PRKCE: variants seen among roughly 807,000 people sequenced by gnomAD.
PRKCE encodes protein kinase C epsilon type.
Under a neutral mutation model 85.4 loss-of-function variants are expected in PRKCE, and 16 were observed. The observed-to-expected ratio is 0.19, with a 90% CI of 0.13 to 0.28. PRKCE has a LOEUF of 0.28. PRKCE is among the 10% of genes least tolerant of loss of function. The probability of loss-of-function intolerance (pLI) is 1.00; values close to 1 mark genes in which losing one functional copy is unlikely to be tolerated. For synonymous variants in PRKCE, 388 were observed against 371.5 expected (o/e 1.04, Z -0.51); for missense variants, 573 against 975.2 (o/e 0.59, Z 5.49).
intron 1 of PRKCE, among the ~76,000 whole-genome samples, chr2:45,710,611 C>G (rs1167720312): frequency 6.6e-6 from 1 of 152,204 alleles, no homozygotes; most frequent in Non-Finnish European, 1.5e-5. Flanking sequence ...ATTCCCAGTC[C>G]CAAGAAGTGG....
At chr2:45,686,576 G>C (rs1021164635) in intron 1 of PRKCE, among the ~76,000 whole-genome samples, 2 of 152,038 alleles carry the variant, frequency 1.3e-5, no homozygotes, top group African/African-American at 4.8e-5. Flanking sequence ...AATAACCGTA[G>C]AGAAAAACAA....
chr2:46,135,343 A>C (rs1415799221), intron 11 of PRKCE, among the ~76,000 whole-genome samples: 2 of 152,218 alleles, frequency 1.3e-5, no homozygotes, highest in Non-Finnish European at 2.9e-5. Flanking sequence ...CAAACAACAC[A>C]GTGAAGTGAT....
intron 1 of PRKCE, among the ~76,000 whole-genome samples, chr2:45,830,284 A>C (rs1410902702): frequency 8.8e-6 from 1 of 114,216 alleles, no homozygotes; most frequent in East Asian, 2.2e-4. Flanking sequence ...ATTCATAAAC[A>C]AAAACAAACG....
intron 1 of PRKCE, among the ~76,000 whole-genome samples, chr2:45,780,786 T>C (rs770944852): frequency 1.3e-5 from 2 of 152,334 alleles, no homozygotes; most frequent in East Asian, 3.9e-4. Context: ...CTTCCTCCTC[T>C]CATTGTGGTT....
At chr2:45,677,822 T>A in intron 1 of PRKCE, 1 of 985,236 alleles carries the variant, frequency 1.0e-6, no homozygotes, top group African/African-American at 1.7e-5. Flanking sequence ...TGTGGAAAAT[T>A]CTGTTTCAGA....
intron 1 of PRKCE, among the ~76,000 whole-genome samples, chr2:45,709,364 G>T (rs563062146): frequency 6.6e-6 from 1 of 152,368 alleles, no homozygotes; most frequent in African/African-American, 2.4e-5. Flanking sequence ...AGATGCCCCA[G>T]TTCTGGCAGA....
intron 10 of PRKCE, among the ~76,000 whole-genome samples, chr2:46,057,341 C>A (rs919592182): frequency 1.3e-5 from 2 of 152,138 alleles, no homozygotes; most frequent in South Asian, 4.2e-4. Flanking sequence ...CCCACCTATT[C>A]CCCCAAATTT....
chr2:46,166,986 G>A (rs1481435879), intron 14 of PRKCE: 1 of 152,176 alleles, frequency 6.6e-6, no homozygotes. Flanking sequence ...GGGAGATCCT[G>A]TCTCAAAAAG....
At chr2:45,762,547 A>G (rs1175585559) in intron 1 of PRKCE, among the ~76,000 whole-genome samples, 3 of 152,198 alleles carry the variant, frequency 2.0e-5, no homozygotes, top group East Asian at 3.8e-4. Flanking sequence ...CAGTGGATCA[A>G]AATGGCATCT....
Position 46,154,507 on chromosome 2 carries a change from G to C in PRKCE, c.1920+3278G>C, listed in dbSNP as rs1574617820. ...GCCGCATTTCTCCTCGGCCCCCTGT[G>C]GCTCTTTGAAGCTTTCAGGACCCCT... On this transcript the variant is annotated intron_variant, in intron 13 of 14. Coordinates refer to ENST00000306156, the MANE Select transcript of PRKCE (RefSeq NM_005400.3). Among the ~76,000 whole-genome samples the C allele has an allele frequency of 1.9e-5, 2 of 106,456 alleles. 1 individual carries two copies. Among genetic ancestry groups the C allele is most frequent in the South Asian group, 7.1e-4 (2 of 2,832 alleles). The allele number at this position is 106,456 out of a possible 152,430, so 69.8% of individuals were successfully genotyped here.
chr2:45,978,658 A>G (rs10191926), intron 3 of PRKCE: 129,077 of 301,764 alleles, frequency 0.43, 28,661 homozygotes, highest in South Asian at 0.57. Flanking sequence ...TCACTGCTCA[A>G]TGCCTACCAG....
intron 2 of PRKCE, among the ~76,000 whole-genome samples, chr2:45,867,569 G>A (rs1693709604): frequency 6.6e-6 from 1 of 152,198 alleles, no homozygotes; most frequent in Non-Finnish European, 1.5e-5. Context: ...CATTATGAAA[G>A]TGATCACGAT....
intron 1 of PRKCE, among the ~76,000 whole-genome samples, chr2:45,662,649 A>T (rs1267609661): frequency 6.7e-6 from 1 of 149,470 alleles, no homozygotes. Context: ...ATTATTCTCC[A>T]TGAAGTTTAG....
chr2:46,017,945 G>A (rs760326129), intron 10 of PRKCE, among the ~76,000 whole-genome samples: 32 of 152,246 alleles, frequency 2.1e-4, no homozygotes, highest in Admixed American at 4.6e-4. Context: ...CTGTCCTCCT[G>A]TCCAAATTCT....
At chr2:46,173,989 A>T (rs956631852) in intron 14 of PRKCE, among the ~76,000 whole-genome samples, 1 of 152,248 alleles carries the variant, frequency 6.6e-6, no homozygotes, top group African/African-American at 2.4e-5. Context: ...ATTCCGTCAA[A>T]CAGCAGACCT....
intron 10 of PRKCE, among the ~76,000 whole-genome samples, chr2:46,069,856 C>G (rs1203053687): frequency 6.6e-6 from 1 of 152,148 alleles, no homozygotes; most frequent in Non-Finnish European, 1.5e-5. Flanking sequence ...TGGGGCAATT[C>G]TAGCGGTCAC....
At chr2:45,711,172 T>C (rs1266146877) in intron 1 of PRKCE, among the ~76,000 whole-genome samples, 3 of 152,202 alleles carry the variant, frequency 2.0e-5, no homozygotes, top group Admixed American at 1.3e-4. Context: ...ACAGGCAAGG[T>C]ACTTATCCCC....
chr2:45,776,467 A>AT (rs1260374177), intron 1 of PRKCE, among the ~76,000 whole-genome samples: 1 of 152,168 alleles, frequency 6.6e-6, no homozygotes, highest in Admixed American at 6.5e-5. Context: ...ATGAAGGTAG[A>AT]TTTTTTTAGG....
At chr2:45,780,245 G>C (rs1012377150) in intron 1 of PRKCE, among the ~76,000 whole-genome samples, 2 of 152,134 alleles carry the variant, frequency 1.3e-5, no homozygotes, top group Non-Finnish European at 2.9e-5. Flanking sequence ...TTTGAGTGCT[G>C]TTTTTTATGT....
Sources: allele counts gnomAD v4.1 joint callset (sites outside exome capture counted in the v4.1 genomes callset), GRCh38; gene constraint gnomAD v4.1.1; transcripts MANE v1.5; gene names NCBI Gene and HGNC (gene_info 2026-07-23, HGNC 2026-07-21).